COL11A2: variants seen among roughly 807,000 people sequenced by gnomAD.
COL11A2 encodes the protein collagen type XI alpha 2 chain, also known as collagen alpha-2(XI) chain.
In COL11A2, 116 loss-of-function variants were observed where a neutral mutation model predicts 273.4. That is an observed-to-expected ratio of 0.42 (90% CI 0.36 to 0.49). The LOEUF is 0.49. Among genes scored for constraint, COL11A2 ranks in the 20% least tolerant of loss-of-function variants. The pLI is 0.00. For synonymous variants in COL11A2, 782 were observed against 864.2 expected (o/e 0.90, Z 1.67); for missense variants, 1,866 against 2,309.0 (o/e 0.81, Z 3.93).
chr6:33,170,684 C>G lies in COL11A2; in HGVS notation c.3475-74G>C. On this transcript the variant is annotated intron_variant, in intron 46 of 65. Transcript: ENST00000341947. The surrounding 1 kb of genome is among the most constrained non-coding windows in gnomAD (Gnocchi z 4.3). The stretch of plus-strand genomic sequence containing the variant: ...CACAGCCCTAGGCAGATAGGCCCCA[C>G]AGTCCCCTCCCCTCAGACTCCGCAG... The G allele has an allele frequency of 6.3e-7, 1 of 1,595,986 alleles. No homozygotes were observed. The highest frequency in any genetic ancestry group is 1.1e-5 in the South Asian group (1 of 90,700).
chr6:33,184,053 A>T (rs1772051191), intron 8 of COL11A2, 92 bp downstream of exon 8: 3 of 1,147,606 alleles, frequency 2.6e-6, no homozygotes, highest in Admixed American at 3.9e-5. Context: ...GAAATAGCTC[A>T]CAGCCAACAG....
chr6:33,184,297 TG>T lies in COL11A2; in HGVS notation c.966del (p.Thr323GlnfsTer59), dbSNP rs748440351. ...TCCTCTGCCTGGAACCTGTCGGCTGTGGGGGGGACCTGGAGATCTGTCTGCT... is the reference window on the plus strand; with the variant it reads ...TCCTCTGCCTGGAACCTGTCGGCTGTGGGGGGACCTGGAGATCTGTCTGCT... ...EEEQTDLQVP[P>X]TADRFQAEEY... On this transcript the variant is annotated frameshift_variant, in exon 8 of 66. Coordinates refer to ENST00000341947, the MANE Select transcript of COL11A2 (RefSeq NM_080680.3). LOFTEE classifies it high-confidence loss of function. The T allele has an allele frequency of 1.5e-6, 2 of 1,367,226 alleles. No homozygotes were observed. Among genetic ancestry groups the T allele is most frequent in the East Asian group, 4.6e-5 (1 of 21,960 alleles). 84.7% of individuals were successfully genotyped at this position (1,367,226 alleles called of 1,614,324 possible).
rs775926034 is a variant in COL11A2, at chr6:33,177,748, G to C, written c.1873-42C>G. Reference sequence around the variant, plus strand: ...GTGTGAGCAGCCTGAAGGTGGCCCGGAGGGACCTGTGGTTTTCAGAGGCCC... The same window carrying C: ...GTGTGAGCAGCCTGAAGGTGGCCCGCAGGGACCTGTGGTTTTCAGAGGCCC... On this transcript the variant is annotated intron_variant, in intron 21 of 65. Transcript: ENST00000341947. The surrounding 1 kb of genome is among the most constrained non-coding windows in gnomAD (Gnocchi z 5.9). 1.2e-6 allele frequency: 2 copies of C among 1,611,718 alleles called. No individual in the cohort carries two copies. The highest frequency in any genetic ancestry group is 2.2e-5 in the South Asian group (2 of 91,020).
intron 11 of COL11A2, 134 bp downstream of exon 11, chr6:33,180,534 T>C (rs1320344520): frequency 2.0e-6 from 2 of 986,022 alleles, no homozygotes; most frequent in East Asian, 2.6e-5. Flanking sequence ...TCCTTTCTGG[T>C]TGCTGGGAAG....
chr6:33,180,844 A>T, intron 10 of COL11A2, 114 bp from the exon 11 acceptor site: 1 of 1,554,018 alleles, frequency 6.4e-7, no homozygotes, highest in Non-Finnish European at 8.9e-7. Context: ...GGAAGCGTTG[A>T]TTGGAGGGAT....
intron 42 of COL11A2, 67 bp from the exon 43 acceptor site, chr6:33,171,641 C>T (rs1161715689): frequency 2.5e-6 from 4 of 1,599,362 alleles, no homozygotes; most frequent in Non-Finnish European, 3.4e-6. Context: ...CCACAGGAAA[C>T]TTGTCATAGC....
chr6:33,188,321 G>A, intron 4 of COL11A2, 41 bp downstream of exon 4: 1 of 1,612,004 alleles, frequency 6.2e-7, no homozygotes, highest in East Asian at 2.2e-5. Flanking sequence ...GCACAAGATA[G>A]GGGACCAGAA....
In COL11A2 at chr6:33,169,616, G is replaced by C. The variant is rs55933410; in HGVS notation, c.3691-126C>G. ...AGTGACAATGGGACATACACAGAAA[G>C]TCAAGCCTACAAGGGGAGTTCCCTA... On this transcript the variant is annotated intron_variant, in intron 50 of 65. Transcript: ENST00000341947. The surrounding 1 kb of genome is among the most constrained non-coding windows in gnomAD (Gnocchi z 5.5). 4 of 1,131,326 alleles carry C rather than the reference G, an allele frequency of 3.5e-6. No homozygotes were observed. The highest frequency in any genetic ancestry group is 1.9e-5 in the Admixed American group (1 of 52,214). 70.1% of individuals were successfully genotyped at this position (1,131,326 alleles called of 1,614,324 possible).
chr6:33,172,208 A>C, intron 40 of COL11A2, 81 bp downstream of exon 40: 2 of 1,266,456 alleles, frequency 1.6e-6, no homozygotes, highest in Non-Finnish European at 2.2e-6. Context: ...AGTGACATGG[A>C]GGGGGTCAGG....
chr6:33,169,269 C>G lies in COL11A2; in HGVS notation c.3798+114G>C, dbSNP rs2150534130. 9.9e-7 allele frequency: 1 copy of G among 1,008,716 alleles called. No homozygotes were observed. Among genetic ancestry groups the G allele is most frequent in the African/African-American group, 1.6e-5 (1 of 62,548 alleles). 62.5% of individuals were successfully genotyped at this position (1,008,716 alleles called of 1,614,324 possible). A position where few individuals can be genotyped will look rare whatever the true frequency, so the allele number is the denominator to read the frequency against. On this transcript the variant is annotated intron_variant, in intron 51 of 65. Coordinates refer to ENST00000341947, the MANE Select transcript of COL11A2 (RefSeq NM_080680.3). The surrounding 1 kb of genome is among the most constrained non-coding windows in gnomAD (Gnocchi z 5.5). Reference sequence around the variant, plus strand: ...CTGGATGCCCCATTCCCAGAGCATCCCCCAAACTCCCGGGCTCCCCACACT... The same window carrying G: ...CTGGATGCCCCATTCCCAGAGCATCGCCCAAACTCCCGGGCTCCCCACACT...
intron 6 of COL11A2, 89 bp from the exon 7 acceptor site, chr6:33,185,143 C>A: frequency 1.0e-6 from 1 of 954,728 alleles, no homozygotes; most frequent in South Asian, 1.4e-5. Flanking sequence ...GCACCTGTCC[C>A]CCGAGGGCAG....
At position 33,179,521 on chromosome 6, in the gene COL11A2, C is replaced by T; in HGVS notation, c.1447-34G>A. 1.3e-6 allele frequency: 2 copies of T among 1,542,056 alleles called. No homozygotes were observed. Among genetic ancestry groups the T allele is most frequent in the Non-Finnish European group, 1.8e-6 (2 of 1,137,842 alleles). The stretch of plus-strand genomic sequence containing the variant: ...GCAGGGGGACAGCAGAGCTGAGGGA[C>T]AGGCAGTGGGAACCCCCAGCCCCAG... On this transcript the variant is annotated intron_variant, in intron 13 of 65. Coordinates refer to ENST00000341947, the MANE Select transcript of COL11A2 (RefSeq NM_080680.3). The surrounding 1 kb of genome is among the most constrained non-coding windows in gnomAD (Gnocchi z 6.4).
chr6:33,163,742 G>A lies in COL11A2; in HGVS notation c.5147C>T (p.Ser1716Leu). ...CCGCCTCGGTGGGGCTCCCAGGTCT[G>A]AGAAGGAGGCATCCAGCACTGGCAG... is the stretch of plus-strand genomic sequence containing the variant. The part of the protein sequence containing the change: ...EQLPVLDASF[S>L]DLGAPPRRGG... Residue 1716 changes from serine to leucine, a missense_variant, in exon 66 of 66, where the codon TCA (serine) becomes TTA (leucine). Physicochemically the swap from Ser to Leu is moderately radical, Grantham distance 145 (BLOSUM62 -2). Transcript: ENST00000341947. This position sits in a 1 kb window ranked among gnomAD's most constrained non-coding sequence, Gnocchi z 4.1. 6.2e-7 allele frequency: 1 copy of A among 1,613,072 alleles called. No homozygotes were observed. The highest frequency in any genetic ancestry group is 8.5e-7 in the Non-Finnish European group (1 of 1,180,030).
intron 53 of COL11A2, 41 bp from the exon 54 acceptor site, chr6:33,168,613 C>T (rs1451752808): frequency 1.2e-6 from 2 of 1,610,536 alleles, no homozygotes; most frequent in Non-Finnish European, 1.7e-6. Context: ...GTTTATCCTC[C>T]AGCCAAGGGA....
At chr6:33,175,405 C>T in intron 30 of COL11A2, 169 bp downstream of exon 30, 2 of 706,646 alleles carry the variant, frequency 2.8e-6, no homozygotes, top group Non-Finnish European at 5.1e-6. Context: ...CTTATATATC[C>T]CCTCTGCCCA....
rs1010102698 is a variant in COL11A2 at position 33,167,093 on chromosome 6, C to T, written c.4207G>A (p.Asp1403Asn). The change falls in exon 58 of 66, where the codon GAT becomes AAT. Residue 1403 changes from aspartate (D) to asparagine (N), a missense_variant. By Grantham distance (23) the Asp-to-Asn change is conservative (BLOSUM62 1). Transcript: ENST00000341947. This position sits in a 1 kb window ranked among gnomAD's most constrained non-coding sequence, Gnocchi z 6.1. Reference protein sequence around the residue: ...GPPGLPGLRGDAGAKGEKGHP... With the variant: ...GPPGLPGLRGNAGAKGEKGHP... Reference sequence around the variant, plus strand: ...ACCTTCTCTCCCTTGGCTCCAGCATCGCCCCGGAGACCAGGCAGCCCTGGG... The same window carrying T: ...ACCTTCTCTCCCTTGGCTCCAGCATTGCCCCGGAGACCAGGCAGCCCTGGG... 9.9e-6 allele frequency: 16 copies of T among 1,613,922 alleles called. No individual in the cohort carries two copies. Among genetic ancestry groups the T allele is most frequent in the East Asian group, 2.2e-5 (1 of 44,894 alleles).
rs1182078389 is a variant in COL11A2, at chr6:33,192,245, G to A, written c.-5C>T. 2.6e-6 allele frequency: 4 copies of A among 1,555,748 alleles called. No homozygotes were observed. Among genetic ancestry groups the A allele is most frequent in the East Asian group, 2.4e-5 (1 of 41,812 alleles). Reference sequence around the variant, plus strand: ...GCAGCGGCTGCACCGCTCCATGGCTGAGAAGCCGAAACGCCGGGTCCCAGG... The same window carrying A: ...GCAGCGGCTGCACCGCTCCATGGCTAAGAAGCCGAAACGCCGGGTCCCAGG... On this transcript the variant is annotated 5_prime_UTR_variant, in exon 1 of 66. Coordinates refer to ENST00000341947, the MANE Select transcript of COL11A2 (RefSeq NM_080680.3).
chr6:33,174,716 C>G, intron 30 of COL11A2, 136 bp from the exon 31 acceptor site: 2 of 802,230 alleles, frequency 2.5e-6, no homozygotes, highest in Non-Finnish European at 4.3e-6. Context: ...TCTAGCCCCT[C>G]ATTGCTTGCC....
At position 33,169,860 on chromosome 6, in the gene COL11A2, G is replaced by A; in HGVS notation, c.3661C>T (p.Pro1221Ser). The A allele has an allele frequency of 2.5e-6, 4 of 1,614,122 alleles. No individual in the cohort carries two copies. The highest frequency in any genetic ancestry group is 3.4e-6 in the Non-Finnish European group (4 of 1,180,016). ...ACACCTGGCTCGCCCTGGATCCCTG[G>A]AGATCCTGACTCTCCTGGTTCCCCC... ...EKGEPGESGS[P>S]GIQGEPGVKG... The change falls in exon 50 of 66, where the codon CCA (proline) becomes TCA (serine). Residue 1221 changes from proline (P) to serine (S), a missense_variant. Transcript: ENST00000341947. The surrounding 1 kb of genome is among the most constrained non-coding windows in gnomAD (Gnocchi z 5.5).
Sources: gnomAD v4.1 joint callset for allele counts on GRCh38, gnomAD v4.1.1 for gene constraint, Gnocchi (gnomAD v3.1) non-coding constraint, MANE v1.5 for transcripts, NCBI Gene and HGNC (gene_info 2026-07-23, HGNC 2026-07-21) for gene names.